The following MKLN1 variants were observed in gnomAD, a reference collection of about 807,000 sequenced individuals.
MKLN1 encodes the protein muskelin 1, also known as muskelin.
Under a neutral mutation model 99.0 loss-of-function variants are expected in MKLN1, and 18 were observed. The observed-to-expected ratio is 0.18, with a 90% CI of 0.13 to 0.27. The LOEUF (loss-of-function observed/expected upper bound fraction) is 0.27, where lower values mean the gene tolerates loss of function less well. Ranked by LOEUF, MKLN1 falls within the 10% of genes least tolerant of loss-of-function variation. The pLI, the probability that MKLN1 is intolerant of heterozygous loss-of-function variation, is 1.00. For synonymous variants in MKLN1, 288 were observed against 293.2 expected, an observed-to-expected ratio of 0.98 and a Z score of 0.18; for missense variants, 621 against 875.9, an observed-to-expected ratio of 0.71 and a Z score of 3.67.
At chr7:131,285,948 A>G (rs1320775214) in intron 3 of MKLN1, among the ~76,000 whole-genome samples, 8 of 145,656 alleles carry the variant, frequency 5.5e-5, no homozygotes, top group Admixed American at 1.4e-4. Context: ...TTTCCTCAGC[A>G]TCTATGGACT....
At chr7:131,222,565 G>A (rs1203889695) in intron 3 of MKLN1, among the ~76,000 whole-genome samples, 1 of 152,166 alleles carries the variant, frequency 6.6e-6, no homozygotes, top group East Asian at 1.9e-4. Context: ...TTTGGGCAGT[G>A]TGTGTATTCC....
intron 2 of MKLN1, among the ~76,000 whole-genome samples, chr7:131,385,959 C>T (rs746154219): frequency 1.3e-5 from 2 of 150,268 alleles, no homozygotes; most frequent in East Asian, 1.9e-4. Flanking sequence ...AAGATTTGCC[C>T]GTAGTTTTTG....
intron 3 of MKLN1, among the ~76,000 whole-genome samples, chr7:131,320,038 A>G (rs1798745227): frequency 6.6e-6 from 1 of 152,246 alleles, no homozygotes; most frequent in Non-Finnish European, 1.5e-5. Context: ...TACTCCCATT[A>G]AGCTACCATT....
intron 1 of MKLN1, among the ~76,000 whole-genome samples, chr7:131,136,573 C>T (rs542327033): frequency 2.7e-4 from 41 of 152,110 alleles, no homozygotes; most frequent in Non-Finnish European, 5.4e-4. Flanking sequence ...ACTTTGGTAC[C>T]GATTCCATAT....
At chr7:131,420,885 A>G (rs1003737376) in intron 8 of MKLN1, among the ~76,000 whole-genome samples, 2 of 152,236 alleles carry the variant, frequency 1.3e-5, no homozygotes, top group Non-Finnish European at 2.9e-5. Flanking sequence ...CTTTGAGTAG[A>G]AAGAAAAATA....
intron 1 of MKLN1, among the ~76,000 whole-genome samples, chr7:131,335,598 T>G (rs896606739): frequency 6.6e-6 from 1 of 152,134 alleles, no homozygotes; most frequent in Non-Finnish European, 1.5e-5. Flanking sequence ...CAACACATTT[T>G]AGCTGTATCC....
chr7:131,152,901 T>G (rs1795909037), intron 2 of MKLN1, among the ~76,000 whole-genome samples: 1 of 152,060 alleles, frequency 6.6e-6, no homozygotes, highest in Non-Finnish European at 1.5e-5. Context: ...TCCTCATAAC[T>G]TATTTGTTGC....
At chr7:131,202,587 G>T (rs1796747541) in intron 2 of MKLN1, among the ~76,000 whole-genome samples, 1 of 152,134 alleles carries the variant, frequency 6.6e-6, no homozygotes, top group African/African-American at 2.4e-5. Flanking sequence ...CTGGGGGACT[G>T]TCCTGGGCAT....
intron 9 of MKLN1, among the ~76,000 whole-genome samples, chr7:131,431,814 A>G (rs1795529792): frequency 6.6e-6 from 1 of 152,168 alleles, no homozygotes; most frequent in African/African-American, 2.4e-5. Flanking sequence ...TTCCAGCCTC[A>G]TCTCCCATGT....
At chr7:131,233,509 G>A (rs1046624581) in intron 3 of MKLN1, among the ~76,000 whole-genome samples, 3 of 151,622 alleles carry the variant, frequency 2.0e-5, no homozygotes, top group Admixed American at 2.0e-4. Context: ...AAGTTGTGAG[G>A]CCCTTAAAGA....
intron 3 of MKLN1, among the ~76,000 whole-genome samples, chr7:131,261,459 C>T (rs1374279421): frequency 6.6e-6 from 1 of 152,206 alleles, no homozygotes; most frequent in African/African-American, 2.4e-5. Flanking sequence ...CATCTCACAC[C>T]AGTCACAATG....
chr7:131,202,865 G>A (rs16873935), exon 3 of MKLN1: 22,323 of 152,158 alleles, frequency 0.15, 2,062 homozygotes, highest in East Asian at 0.39. Flanking sequence ...AGTTTCTGGC[G>A]CAGAAATGTT....
intron 17 of MKLN1, among the ~76,000 whole-genome samples, chr7:131,481,457 T>G (rs920765967): frequency 6.6e-6 from 1 of 152,132 alleles, no homozygotes; most frequent in African/African-American, 2.4e-5. Context: ...ATCTCAACAC[T>G]TTTGGAGGCC....
In MKLN1 at chr7:131,399,502, A is replaced by G. The variant is rs1178940318; in HGVS notation, c.703+69A>G. On this transcript the variant is annotated intron_variant, in intron 6 of 17. Coordinates refer to ENST00000352689, the MANE Select transcript of MKLN1 (RefSeq NM_013255.5). ...CGGGAAACTTTTTCTCAAAAATAAT[A>G]TAGGCTTATGCCAGTTATTACTGTA... 3.1e-6 allele frequency: 4 copies of G among 1,301,014 alleles called. No homozygotes were observed. The African/African-American group carries it at 4.5e-5, about 15-fold the overall frequency. 80.6% of individuals were successfully genotyped at this position (1,301,014 alleles called of 1,614,324 possible).
intron 2 of MKLN1, among the ~76,000 whole-genome samples, chr7:131,152,009 T>C (rs1276505060): frequency 6.6e-6 from 1 of 152,172 alleles, no homozygotes; most frequent in African/African-American, 2.4e-5. Flanking sequence ...AAGTTCCAGA[T>C]ATTATATTAT....
chr7:131,485,632 C>T (rs1797250731), intron 17 of MKLN1, among the ~76,000 whole-genome samples: 1 of 152,088 alleles, frequency 6.6e-6, no homozygotes, highest in African/African-American at 2.4e-5. Flanking sequence ...ACTGATACCA[C>T]ATGCCTTCTG....
chr7:131,292,036 G>A (rs1798226896), intron 3 of MKLN1, among the ~76,000 whole-genome samples: 1 of 152,206 alleles, frequency 6.6e-6, no homozygotes, highest in Non-Finnish European at 1.5e-5. Context: ...GAGCATAGGA[G>A]TTTGAGGCAG....
At chr7:131,123,018 G>A (rs1301716620) in intron 1 of MKLN1, among the ~76,000 whole-genome samples, 2 of 39,954 alleles carry the variant, frequency 5.0e-5, no homozygotes, top group Admixed American at 5.2e-4. Flanking sequence ...GCGAGACTCC[G>A]TCTCAAAAAA....
intron 1 of MKLN1, among the ~76,000 whole-genome samples, chr7:131,135,808 T>C (rs56125352): frequency 0.29 from 44,585 of 151,994 alleles, 6,867 homozygotes; most frequent in African/African-American, 0.39. Context: ...GCAGAAATGA[T>C]GAAGTAGATG....
Sources: gnomAD v4.1 joint callset for allele counts (sites outside exome capture counted in the v4.1 genomes callset) on GRCh38, gnomAD v4.1.1 for gene constraint, MANE v1.5 for transcripts, NCBI Gene and HGNC (gene_info 2026-07-23, HGNC 2026-07-21) for gene names.